Variants in DLC1 observed in about 807,000 individuals in gnomAD.
DLC1 encodes the protein DLC1 Rho GTPase activating protein, also known as rho GTPase-activating protein 7.
Under a neutral mutation model 140.3 loss-of-function variants are expected in DLC1, and 54 were observed. The ratio of observed to expected loss-of-function variants is 0.38; its 90% CI spans 0.31 to 0.48. The LOEUF (loss-of-function observed/expected upper bound fraction) is 0.48. Among genes scored for constraint, DLC1 ranks in the 20% least tolerant of loss-of-function variants. DLC1 has a pLI of 0.96. For synonymous variants in DLC1, 986 were observed against 728.1 expected (o/e 1.35, Z -5.70); for missense variants, 2,536 against 1,907.0 (o/e 1.33, Z -6.14).
At chr8:13,279,762 A>G (rs1269217288) in intron 5 of DLC1, among the ~76,000 whole-genome samples, 1 of 152,230 alleles carries the variant, frequency 6.6e-6, no homozygotes, top group African/African-American at 2.4e-5. Flanking sequence ...CTTTCTTTGT[A>G]GGCCACTAGA....
At chr8:13,469,399 G>C (rs923731910) in intron 2 of DLC1, among the ~76,000 whole-genome samples, 1 of 152,164 alleles carries the variant, frequency 6.6e-6, no homozygotes, top group Non-Finnish European at 1.5e-5. Flanking sequence ...GACTCCCTGA[G>C]CTCTGAGTCA....
chr8:13,446,394 T>A (rs1798777360), intron 2 of DLC1, among the ~76,000 whole-genome samples: 1 of 152,222 alleles, frequency 6.6e-6, no homozygotes, highest in Non-Finnish European at 1.5e-5. Context: ...CATTTCTTGT[T>A]TTCATCTTTT....
At chr8:13,128,490 T>C (rs563700328) in intron 5 of DLC1, among the ~76,000 whole-genome samples, 1 of 152,284 alleles carries the variant, frequency 6.6e-6, no homozygotes, top group Non-Finnish European at 1.5e-5. Flanking sequence ...TAAGGCTCCG[T>C]AAGGGCCACA....
Position 13,346,629 on chromosome 8 carries a change from C to T in DLC1, c.1315-41327G>A, listed in dbSNP as rs74741535. Among the ~76,000 whole-genome samples the T allele has an allele frequency of 5.4e-3, 825 of 152,248 alleles. 8 individuals are homozygous for T. Among genetic ancestry groups the T allele is most frequent in the African/African-American group, 0.019 (778 of 41,546 alleles). ...TGATGGCAAAGCAAGCATAGTTCCT[C>T]GAATGTAAAGGAACACATCTCATTG... On this transcript the variant is annotated intron_variant, in intron 4 of 17. Coordinates refer to ENST00000276297, the MANE Select transcript of DLC1 (RefSeq NM_182643.3).
chr8:13,454,969 A>T (rs1799319969), intron 2 of DLC1, among the ~76,000 whole-genome samples: 1 of 151,998 alleles, frequency 6.6e-6, no homozygotes, highest in African/African-American at 2.4e-5. Flanking sequence ...GAAATCTGAG[A>T]TCTAGTTTTT....
intron 4 of DLC1, among the ~76,000 whole-genome samples, chr8:13,309,797 T>C (rs1430193163): frequency 6.6e-6 from 1 of 152,180 alleles, no homozygotes; most frequent in Non-Finnish European, 1.5e-5. Flanking sequence ...TCATAAATAA[T>C]AGACATCATA....
At chr8:13,172,669 G>C (rs1825550670) in intron 5 of DLC1, among the ~76,000 whole-genome samples, 2 of 152,182 alleles carry the variant, frequency 1.3e-5, no homozygotes, top group African/African-American at 4.8e-5. Flanking sequence ...GTACTGTTTT[G>C]AACAAGCTTT....
chr8:13,422,176 G>GGT (rs1302068245), intron 2 of DLC1, among the ~76,000 whole-genome samples: 1 of 151,788 alleles, frequency 6.6e-6, no homozygotes, highest in Non-Finnish European at 1.5e-5. Flanking sequence ...TGTTTTGAAG[G>GGT]GTATATATAG....
rs547709919 is a variant in DLC1 at position 13,443,027 on chromosome 8, A to G, written c.1024-41408T>C. Among the ~76,000 whole-genome samples, 9 of 152,256 alleles carry G rather than the reference A, an allele frequency of 5.9e-5. 1 individual carries two copies. The South Asian group carries it at 1.9e-3, about 32-fold the overall frequency. On this transcript the variant is annotated intron_variant, in intron 2 of 17. Transcript: ENST00000276297. ...CACCATGGAATACTATGCAGCCATA[A>G]AAAAGGATGAGTTCATGTCCTTTGT...
At chr8:13,496,230 G>A (rs1474265436) in intron 2 of DLC1, among the ~76,000 whole-genome samples, 1 of 152,006 alleles carries the variant, frequency 6.6e-6, no homozygotes, top group Admixed American at 6.6e-5. Context: ...TAGAACTCTT[G>A]TTAATAGTGT....
At chr8:13,241,886 C>G (rs1829560261) in intron 5 of DLC1, among the ~76,000 whole-genome samples, 1 of 152,036 alleles carries the variant, frequency 6.6e-6, no homozygotes, top group Admixed American at 6.6e-5. Context: ...GGTCATTTAC[C>G]ATGCTTCATT....
intron 1 of DLC1, among the ~76,000 whole-genome samples, chr8:13,575,826 A>G (rs543342675): frequency 7.9e-5 from 12 of 152,302 alleles, no homozygotes; most frequent in African/African-American, 2.9e-4. Flanking sequence ...ATTATGAACA[A>G]TATCTGGAAT....
intron 5 of DLC1, among the ~76,000 whole-genome samples, chr8:13,254,418 G>A (rs577102401): frequency 2.0e-4 from 31 of 152,184 alleles, no homozygotes; most frequent in Non-Finnish European, 3.7e-4. Context: ...TCTCCAGATC[G>A]TTGAAGAACA....
intron 5 of DLC1, among the ~76,000 whole-genome samples, chr8:13,265,686 C>A (rs1365955259): frequency 2.6e-5 from 4 of 151,316 alleles, no homozygotes; most frequent in Non-Finnish European, 2.9e-5. Context: ...TCCTTCTCTT[C>A]TTCCTTCCTT....
chr8:13,320,123 C>G (rs1053079216), intron 4 of DLC1, among the ~76,000 whole-genome samples: 1 of 152,068 alleles, frequency 6.6e-6, no homozygotes, highest in South Asian at 2.1e-4. Context: ...TTATTTAATT[C>G]TATAACCTTA....
At chr8:13,396,084 G>C (rs954379554) in intron 3 of DLC1, among the ~76,000 whole-genome samples, 18 of 143,868 alleles carry the variant, frequency 1.3e-4, no homozygotes, top group Non-Finnish European at 3.0e-5. Flanking sequence ...TTTTGAGACG[G>C]AGTCTCACTC....
intron 1 of DLC1, among the ~76,000 whole-genome samples, chr8:13,556,799 C>T (rs568886261): frequency 1.7e-4 from 26 of 152,292 alleles, no homozygotes; most frequent in East Asian, 5.8e-4. Flanking sequence ...CTGTCAGAGA[C>T]GCTGCTGAGT....
At chr8:13,230,384 AG>A (rs1279375022) in intron 5 of DLC1, among the ~76,000 whole-genome samples, 3 of 152,196 alleles carry the variant, frequency 2.0e-5, no homozygotes, top group Admixed American at 2.0e-4. Flanking sequence ...TTCCCTCAAA[AG>A]TCAGAGTATG....
At position 13,581,104 on chromosome 8, in the gene DLC1, C is replaced by G. The variant is rs548357464; in HGVS notation, c.-126+23433G>C. Among the ~76,000 whole-genome samples the G allele has an allele frequency of 3.3e-5, 5 of 152,314 alleles. No individual in the cohort carries two copies. The South Asian group carries it at 1.0e-3, about 32-fold the overall frequency. On this transcript the variant is annotated intron_variant, in intron 1 of 1. Transcript: ENST00000631382. ...ACTCTATTACAAAGTATTTACTAAT[C>G]TCTCAACTCTTTGCAAGGAATTAAG...
Sources: gnomAD v4.1 joint callset for allele counts (sites outside exome capture counted in the v4.1 genomes callset) on GRCh38, gnomAD v4.1.1 for gene constraint, MANE v1.5 for transcripts, NCBI Gene and HGNC (gene_info 2026-07-23, HGNC 2026-07-21) for gene names.